TCF12: variants seen among roughly 807,000 people sequenced by gnomAD.
TCF12 encodes the protein DNA-binding protein HTF4.
TCF12 carries 45 observed loss-of-function variants against 86.0 expected under a neutral mutation model. That is an observed-to-expected ratio of 0.52 (90% confidence interval 0.41 to 0.67). The LOEUF is 0.67. TCF12 is among the 30% of genes least tolerant of loss of function. TCF12 has a pLI of 0.00. For missense variants in TCF12, 881 were observed against 859.9 expected (o/e 1.02, Z -0.31); for synonymous variants, 330 against 299.6 (o/e 1.10, Z -1.05).
At chr15:57,116,426 A>G (rs1418913477) in intron 5 of TCF12, among the ~76,000 whole-genome samples, 3 of 151,894 alleles carry the variant, frequency 2.0e-5, no homozygotes, top group Non-Finnish European at 4.4e-5. Context: ...GCTCATTGCA[A>G]CCTCTGCCTC....
Position 57,231,214 on chromosome 15 carries a change from T to G in TCF12, c.642T>G (p.Pro214=), listed in dbSNP as rs768587815. ...GTGAATCTCCTAGTTATCCATCTCCTAAGCCACCAACCAGTATGTTCGCTA... is the reference window on the plus strand; with the variant it reads ...GTGAATCTCCTAGTTATCCATCTCCGAAGCCACCAACCAGTATGTTCGCTA... The part of the protein sequence containing the change: ...FNRESPSYPS[P]KPPTSMFAST... The change falls in exon 9 of 21, where the codon CCT becomes CCG. Residue 214 remains proline, a synonymous_variant. Coordinates refer to ENST00000333725, the MANE Select transcript of TCF12 (RefSeq NM_207037.2). The G allele has an allele frequency of 6.2e-7, 1 of 1,613,144 alleles. No individual in the cohort carries two copies. Among genetic ancestry groups the G allele is most frequent in the Admixed American group, 1.7e-5 (1 of 59,980 alleles).
At chr15:56,942,626 AGTTGCTTTAGTATC>A (rs1373544711) in intron 3 of TCF12, among the ~76,000 whole-genome samples, 1 of 117,642 alleles carries the variant, frequency 8.5e-6, no homozygotes, top group Non-Finnish European at 1.7e-5. Context: ...AAGATGAACA[AGTTGCTTTAGTATC>A]GTATGTGTAA....
At chr15:57,191,958 G>A (rs1254547746) in intron 6 of TCF12, among the ~76,000 whole-genome samples, 200 bp from the exon 7 acceptor site, 1 of 151,812 alleles carries the variant, frequency 6.6e-6, no homozygotes, top group Non-Finnish European at 1.5e-5. Flanking sequence ...AAAAAAGGCC[G>A]ACAATGTGAG....
chr15:57,014,826 A>G (rs1316165661), intron 3 of TCF12, among the ~76,000 whole-genome samples: 2 of 151,550 alleles, frequency 1.3e-5, no homozygotes, highest in South Asian at 4.2e-4. Context: ...ATGGGTCAAG[A>G]TATGGGGGTG....
chr15:57,157,723 G>T (rs942501016), intron 5 of TCF12, among the ~76,000 whole-genome samples: 3 of 151,422 alleles, frequency 2.0e-5, no homozygotes, highest in Non-Finnish European at 4.4e-5. Flanking sequence ...CCACTACACC[G>T]AGCTAATTTT....
intron 3 of TCF12, among the ~76,000 whole-genome samples, chr15:56,938,213 T>A (rs2060570211): frequency 6.6e-6 from 1 of 151,892 alleles, no homozygotes; most frequent in Admixed American, 6.6e-5. Context: ...CAGGCTGCAG[T>A]GCAGTGGCGC....
chr15:56,997,382 C>T (rs1434678029), intron 3 of TCF12, among the ~76,000 whole-genome samples: 1 of 152,178 alleles, frequency 6.6e-6, no homozygotes, highest in Non-Finnish European at 1.5e-5. Context: ...GAAAACTGTA[C>T]ACCACTTGTT....
rs2062033530 is a variant in TCF12, at chr15:57,289,463, A to G, written c.*3318A>G. On this transcript the variant is annotated 3_prime_UTR_variant, in exon 21 of 21. Transcript: ENST00000333725. The stretch of plus-strand genomic sequence containing the variant: ...TTCCCTACAAAACCTCCCTGCCTTG[A>G]CTTTCTCTTTCTCTTTGCAGATTTC... 6.6e-6 allele frequency: 1 copy of G among 152,080 alleles called. No homozygotes were observed. The allele number at this position is 152,080 out of a possible 1,614,324, so 9.4% of individuals were successfully genotyped here.
rs191147699 is a variant in TCF12, at chr15:57,250,499, C to T, written c.1115-851C>T. ...ATTCCACCACTTTGTGAGGCTGAGG[C>T]GGGTGGATCACTTAAGGTCAGGAGT... On this transcript the variant is annotated intron_variant, in intron 13 of 20. Coordinates refer to ENST00000333725, the MANE Select transcript of TCF12 (RefSeq NM_207037.2). 7.6e-4 allele frequency among the ~76,000 whole-genome samples: 115 copies of T among 152,198 alleles called. 1 individual carries two copies. Among genetic ancestry groups the T allele is most frequent in the Admixed American group, 6.0e-3 (91 of 15,288 alleles).
intron 3 of TCF12, among the ~76,000 whole-genome samples, chr15:56,968,516 C>G (rs911644279): frequency 2.0e-5 from 3 of 152,100 alleles, no homozygotes; most frequent in Admixed American, 6.5e-5. Flanking sequence ...GCCACTGTGC[C>G]TGGCCTCATA....
chr15:56,977,029 G>T (rs955800097), intron 3 of TCF12, among the ~76,000 whole-genome samples: 10 of 152,250 alleles, frequency 6.6e-5, no homozygotes, highest in African/African-American at 2.4e-4. Context: ...ATATTGGACA[G>T]TGCTGATTTA....
At chr15:57,014,139 C>T (rs1262829250) in intron 3 of TCF12, among the ~76,000 whole-genome samples, 1 of 152,136 alleles carries the variant, frequency 6.6e-6, no homozygotes, top group African/African-American at 2.4e-5. Flanking sequence ...CTCCTTGGGT[C>T]TATTGATACT....
At chr15:57,099,842 G>A (rs370528845) in intron 5 of TCF12, among the ~76,000 whole-genome samples, 78 of 151,850 alleles carry the variant, frequency 5.1e-4, no homozygotes, top group Non-Finnish European at 9.4e-4. Context: ...TGAGACAACC[G>A]TACTATCTGT....
At chr15:56,978,252 C>T (rs2062711320) in intron 3 of TCF12, among the ~76,000 whole-genome samples, 3 of 152,030 alleles carry the variant, frequency 2.0e-5, no homozygotes, top group Admixed American at 2.0e-4. Context: ...GAGAGAAGTT[C>T]AGAGTTAGTG....
At chr15:57,223,135 T>C (rs2151877955) in intron 8 of TCF12, among the ~76,000 whole-genome samples, 1 of 152,164 alleles carries the variant, frequency 6.6e-6, no homozygotes, top group South Asian at 2.1e-4. Flanking sequence ...ACCACTGTCA[T>C]TTAGCTGTTA....
At chr15:57,279,810 G>C (rs2061594694) in intron 19 of TCF12, among the ~76,000 whole-genome samples, 1 of 147,060 alleles carries the variant, frequency 6.8e-6, no homozygotes, top group South Asian at 2.2e-4. Context: ...TCCTCTTTAA[G>C]TTTTACATGC....
chr15:57,072,651 A>G (rs2069504208), intron 4 of TCF12: 1 of 1,300,518 alleles, frequency 7.7e-7, no homozygotes, highest in Non-Finnish European at 1.0e-6. Context: ...TCTTGATCTC[A>G]GGTACAATAC....
At chr15:57,098,587 A>G (rs1042104597) in intron 5 of TCF12, among the ~76,000 whole-genome samples, 2 of 152,238 alleles carry the variant, frequency 1.3e-5, no homozygotes, top group African/African-American at 2.4e-5. Flanking sequence ...AAGAATTTCA[A>G]CAATTAATAT....
intron 8 of TCF12, among the ~76,000 whole-genome samples, chr15:57,208,719 T>G (rs1354215325): frequency 2.6e-5 from 4 of 151,420 alleles, no homozygotes; most frequent in Non-Finnish European, 4.4e-5. Context: ...ATTTTTTTTT[T>G]TCTTTTGAAA....
Sources: allele counts gnomAD v4.1 joint callset (sites outside exome capture counted in the v4.1 genomes callset), GRCh38; gene constraint gnomAD v4.1.1; transcripts MANE v1.5; gene names NCBI Gene and HGNC (gene_info 2026-07-23, HGNC 2026-07-21).